SH3TC2: variants seen among roughly 807,000 people sequenced by gnomAD.
SH3TC2 encodes SH3 domain and tetratricopeptide repeats 2.
A neutral mutation model predicts 124.5 loss-of-function variants in SH3TC2; 87 were observed. That is an observed-to-expected ratio of 0.70 (90% confidence interval 0.59 to 0.84). The LOEUF (loss-of-function observed/expected upper bound fraction) is 0.84. SH3TC2 is among the 40% of genes least tolerant of loss of function. The pLI is 0.00. For synonymous variants in SH3TC2, 634 were observed against 628.5 expected, an observed-to-expected ratio of 1.01 and a Z score of -0.13; for missense variants, 1,536 against 1,566.4, an observed-to-expected ratio of 0.98 and a Z score of 0.33.
Position 148,986,240 on chromosome 5 carries a change from T to C in SH3TC2, c.*18471A>G, listed in dbSNP as rs1753330424. ...GTAAGAACAAGAGAAAAAAAATGTA[T>C]CTGAAATCAGAAAGCAATTAAATAT... On this transcript the variant is annotated 3_prime_UTR_variant, in exon 17 of 17. Transcript: ENST00000515425. Among the ~76,000 whole-genome samples the C allele has an allele frequency of 7.1e-6, 1 of 141,054 alleles. No homozygotes were observed. Among genetic ancestry groups the C allele is most frequent in the Admixed American group, 6.9e-5 (1 of 14,442 alleles). The allele number at this position is 141,054 out of a possible 152,430, so 92.5% of individuals were successfully genotyped here.
Position 148,995,964 on chromosome 5 carries a change from G to C in SH3TC2, c.*8747C>G, listed in dbSNP as rs1753503014. On this transcript the variant is annotated 3_prime_UTR_variant, in exon 17 of 17. Transcript: ENST00000515425. Reference sequence around the variant, plus strand: ...AAAAGAAAAAAGAGACCAACTGGCCGGGTGCCATGGCTCACACCTGTTACC... The same window carrying C: ...AAAAGAAAAAAGAGACCAACTGGCCCGGTGCCATGGCTCACACCTGTTACC... Among the ~76,000 whole-genome samples the C allele has an allele frequency of 6.6e-6, 1 of 152,084 alleles. No individual in the cohort carries two copies. The highest frequency in any genetic ancestry group is 2.4e-5 in the African/African-American group (1 of 41,400).
intron 16 of SH3TC2, chr5:149,006,196 C>T (rs1753685973): frequency 6.4e-6 from 1 of 155,418 alleles, no homozygotes; most frequent in Admixed American, 6.2e-5. Flanking sequence ...GATGCAGAGG[C>T]TGTAGTGAGC....
chr5:149,029,231 AT>A (rs1339850776), intron 9 of SH3TC2, among the ~76,000 whole-genome samples: 1 of 152,128 alleles, frequency 6.6e-6, no homozygotes, highest in Admixed American at 6.5e-5. Flanking sequence ...CTTGGCAGAC[AT>A]TGGTTCCATG....
In SH3TC2 at chr5:149,028,567, G is replaced by A; in HGVS notation, c.1178-13C>T. ...TCAGGCTGGGATGCTGTAAGGACAG[G>A]CAAAGTTGAGCAACCTTGGGCACCT... On this transcript the variant is annotated splice_polypyrimidine_tract_variant and intron_variant, in intron 10 of 16. Coordinates refer to ENST00000515425, the MANE Select transcript of SH3TC2 (RefSeq NM_024577.4). The A allele has an allele frequency of 2.5e-6, 4 of 1,614,146 alleles. No individual in the cohort carries two copies. The highest frequency in any genetic ancestry group is 3.4e-6 in the Non-Finnish European group (4 of 1,180,008).
rs556601967 is a variant in SH3TC2, at chr5:149,056,071, T to A, written c.53-3831A>T. ...TTCTATATAAATGGTAAATTTTTTT[T>A]AATCCTCTTAAAGCCTTTACTGACC... On this transcript the variant is annotated intron_variant, in intron 1 of 16. Transcript: ENST00000515425. 5.3e-5 allele frequency among the ~76,000 whole-genome samples: 8 copies of A among 152,356 alleles called. No individual in the cohort carries two copies. The East Asian group carries it at 9.6e-4, about 18-fold the overall frequency.
In SH3TC2 at chr5:148,998,478, A is replaced by G. The variant is rs180691933; in HGVS notation, c.*6233T>C. The stretch of plus-strand genomic sequence containing the variant: ...CTACCCTGTCTGGAAGTTCATCTCA[A>G]AGAGCCTCATCCCTCAAGCTAGTGT... On this transcript the variant is annotated 3_prime_UTR_variant, in exon 17 of 17. Transcript: ENST00000515425. Among the ~76,000 whole-genome samples the G allele has an allele frequency of 1.3e-5, 2 of 152,262 alleles. No individual in the cohort carries two copies. Among genetic ancestry groups the G allele is most frequent in the Non-Finnish European group, 2.9e-5 (2 of 68,010 alleles).
intron 8 of SH3TC2, among the ~76,000 whole-genome samples, chr5:149,034,688 A>G (rs749802558): frequency 6.6e-6 from 1 of 152,206 alleles, no homozygotes; most frequent in African/African-American, 2.4e-5. Context: ...AGATAAGATC[A>G]TAAATTAATG....
At position 148,989,136 on chromosome 5, in the gene SH3TC2, T is replaced by C. The variant is rs1395674575; in HGVS notation, c.*15575A>G. Among the ~76,000 whole-genome samples, 2 of 152,216 alleles carry C rather than the reference T, an allele frequency of 1.3e-5. No individual in the cohort carries two copies. Among genetic ancestry groups the C allele is most frequent in the Non-Finnish European group, 2.9e-5 (2 of 68,038 alleles). ...TCTTTATATTTCCTTGAGTTCCTTT[T>C]GGAGTCATTGAATTCCCTTTTTGAG... On this transcript the variant is annotated 3_prime_UTR_variant, in exon 17 of 17. Coordinates refer to ENST00000515425, the MANE Select transcript of SH3TC2 (RefSeq NM_024577.4).
chr5:149,026,514 ACT>A, intron 12 of SH3TC2, 56 bp downstream of exon 12: 7 of 1,600,254 alleles, frequency 4.4e-6, no homozygotes, highest in Non-Finnish European at 6.0e-6. Context: ...GGGAAAGAAC[ACT>A]GTTTCTCCTT....
At position 149,028,075 on chromosome 5, in the gene SH3TC2, C is replaced by G; in HGVS notation, c.1657G>C (p.Glu553Gln). ...KLSQARVYFE[E>Q]AIHILNGAFE... ...GCTCCATTGAGAATGTGGATGGCCT[C>G]CTCGAAGTACACCCTGGCCTGAGAG... The change falls in exon 11 of 17, where the codon GAG becomes CAG. Residue 553 changes from glutamate to glutamine, a missense_variant. Physicochemically the swap from Glu to Gln is conservative, Grantham distance 29. Coordinates refer to ENST00000515425, the MANE Select transcript of SH3TC2 (RefSeq NM_024577.4). 6.2e-7 allele frequency: 1 copy of G among 1,614,092 alleles called. No homozygotes were observed. The highest frequency in any genetic ancestry group is 8.5e-7 in the Non-Finnish European group (1 of 1,180,034).
chr5:149,008,480 A>G, intron 15 of SH3TC2: 1 of 326,410 alleles, frequency 3.1e-6, no homozygotes, highest in South Asian at 3.1e-5. Flanking sequence ...GCTTATGAAG[A>G]GAATAAAATA....
At chr5:149,056,582 G>A (rs1322958596) in intron 1 of SH3TC2, among the ~76,000 whole-genome samples, 2 of 152,114 alleles carry the variant, frequency 1.3e-5, no homozygotes, top group East Asian at 3.8e-4. Context: ...AGAGTTCTGA[G>A]GTGTGTGTTT....
chr5:148,995,869 T>C lies in SH3TC2; in HGVS notation c.*8842A>G, dbSNP rs1160403414. On this transcript the variant is annotated 3_prime_UTR_variant, in exon 17 of 17. Coordinates refer to ENST00000515425, the MANE Select transcript of SH3TC2 (RefSeq NM_024577.4). ...CATAAAGTACACTTTTAAACTATGA[T>C]AAGTGCTTTGAAGGAAAAGTACAGG... Among the ~76,000 whole-genome samples, 1 of 152,064 alleles carries C rather than the reference T, an allele frequency of 6.6e-6. No homozygotes were observed. Among genetic ancestry groups the C allele is most frequent in the Non-Finnish European group, 1.5e-5 (1 of 68,008 alleles).
rs1250433834 is a variant in SH3TC2, at chr5:148,983,138, C to T, written c.*21573G>A. 6.6e-6 allele frequency among the ~76,000 whole-genome samples: 1 copy of T among 152,246 alleles called. No homozygotes were observed. The highest frequency in any genetic ancestry group is 1.9e-4 in the East Asian group (1 of 5,202). ...GGATCTAATCTGTGGCTAGGCTTTA[C>T]TTAATTTGGCTTAAAGCACATGCTG... On this transcript the variant is annotated 3_prime_UTR_variant, in exon 17 of 17. Transcript: ENST00000515425.
At chr5:149,059,223 C>G (rs1754703536) in intron 1 of SH3TC2, among the ~76,000 whole-genome samples, 1 of 152,094 alleles carries the variant, frequency 6.6e-6, no homozygotes, top group Non-Finnish European at 1.5e-5. Context: ...TGAGATCACA[C>G]AGCAAATTAA....
intron 8 of SH3TC2, 116 bp from the exon 9 acceptor site, chr5:149,031,803 C>T: frequency 2.2e-6 from 3 of 1,394,788 alleles, no homozygotes; most frequent in Non-Finnish European, 3.0e-6. Flanking sequence ...AACCAACTTC[C>T]CGCAAATGAA....
rs915443411 is a variant in SH3TC2 at position 149,004,062 on chromosome 5, G to A, written c.*649C>T. 2.1e-5 allele frequency: 4 copies of A among 193,920 alleles called. No individual in the cohort carries two copies. The highest frequency in any genetic ancestry group is 4.3e-5 in the Non-Finnish European group (4 of 92,274). The allele number at this position is 193,920 out of a possible 1,614,324, so 12.0% of individuals were successfully genotyped here. A position where few individuals can be genotyped will look rare whatever the true frequency, so the allele number is the denominator to read the frequency against. ...TTTGCTCTTGGAAAGCTTCCCTGGA[G>A]CTTCTGGGAGGTTATGTGGGAGCAC... On this transcript the variant is annotated 3_prime_UTR_variant, in exon 17 of 17. Coordinates refer to ENST00000515425, the MANE Select transcript of SH3TC2 (RefSeq NM_024577.4).
rs778553861 is a variant in SH3TC2, at chr5:149,038,295, A to G, written c.1001T>C (p.Met334Thr). 2 of 1,613,822 alleles carry G rather than the reference A, an allele frequency of 1.2e-6. No individual in the cohort carries two copies. Among genetic ancestry groups the G allele is most frequent in the Non-Finnish European group, 1.7e-6 (2 of 1,179,724 alleles). ...GGACATGCTCACTGTCAATACTCAC[A>G]TTGGGGAATAAGAATCAGGATCTAT... ...RNIDPDSYSP[M>T]SRNSAFLSDE... Residue 334 changes from methionine to threonine, a missense_variant and splice_region_variant, in exon 8 of 17, where the codon ATG becomes ACG. By Grantham distance (81) the Met-to-Thr change is moderately conservative. Around this residue, in one of 3 missense-constraint regions of SH3TC2, gnomAD observed 1,102 missense variants for 1,098.6 expected, o/e 1.00. Transcript: ENST00000515425.
intron 12 of SH3TC2, among the ~76,000 whole-genome samples, chr5:149,018,253 G>C (rs1242388036): frequency 2.0e-5 from 3 of 152,078 alleles, no homozygotes; most frequent in African/African-American, 7.2e-5. Context: ...GATGTTCACT[G>C]TACAGGTCTG....
Sources: gnomAD v4.1 joint callset for allele counts (sites outside exome capture counted in the v4.1 genomes callset) on GRCh38, gnomAD v4.1.1 for gene constraint, gnomAD v4.1.1 regional missense constraint, MANE v1.5 for transcripts, NCBI Gene and HGNC (gene_info 2026-07-23, HGNC 2026-07-21) for gene names.